GRK5: variants seen among roughly 807,000 people sequenced by gnomAD.
GRK5 encodes g protein-coupled receptor kinase GRK5.
In GRK5, 40 loss-of-function variants were observed where a neutral mutation model predicts 78.4. The ratio of observed to expected loss-of-function variants is 0.51; its 90% CI spans 0.40 to 0.66. The LOEUF is 0.66. Ranked by LOEUF, GRK5 falls within the 30% of genes least tolerant of loss-of-function variation. The pLI, the probability that GRK5 is intolerant of heterozygous loss-of-function variation, is 0.00. For synonymous variants in GRK5, 289 were observed against 296.8 expected (o/e 0.97, Z 0.27); for missense variants, 598 against 759.9 (o/e 0.79, Z 2.50).
In GRK5 at chr10:119,267,671, C is replaced by T. The variant is rs1849522858; in HGVS notation, c.53-58845C>T. 6.6e-6 allele frequency among the ~76,000 whole-genome samples: 1 copy of T among 152,204 alleles called. No homozygotes were observed. ...TCTATAGCAAGGAGGTCCAGCACCGCTCGTGGACCCAAACTGTCCTCCAGG... is the reference window on the plus strand; with the variant it reads ...TCTATAGCAAGGAGGTCCAGCACCGTTCGTGGACCCAAACTGTCCTCCAGG... On this transcript the variant is annotated intron_variant, in intron 1 of 15. Coordinates refer to ENST00000392870, the MANE Select transcript of GRK5 (RefSeq NM_005308.3). This position sits in a 1 kb window ranked among gnomAD's most constrained non-coding sequence, Gnocchi z 4.1.
chr10:119,393,899 T>C (rs1257439869), intron 3 of GRK5, among the ~76,000 whole-genome samples: 2 of 151,414 alleles, frequency 1.3e-5, no homozygotes, highest in African/African-American at 4.9e-5. Flanking sequence ...TGTGTGTGTG[T>C]AGGGGTGCGG....
At chr10:119,395,425 G>A (rs1022483765) in intron 3 of GRK5, among the ~76,000 whole-genome samples, 4 of 152,180 alleles carry the variant, frequency 2.6e-5, no homozygotes, top group Non-Finnish European at 4.4e-5. Context: ...CCTGAGGGCC[G>A]GCTGGGCATC....
intron 2 of GRK5, among the ~76,000 whole-genome samples, chr10:119,377,053 C>T (rs1295885345): frequency 6.6e-6 from 1 of 152,104 alleles, no homozygotes; most frequent in Admixed American, 6.6e-5. Flanking sequence ...CCAGTGTTCT[C>T]CCACCCCTAA....
chr10:119,452,490 C>T lies in GRK5; in HGVS notation c.1405-181C>T. 1.6e-6 allele frequency: 1 copy of T among 625,876 alleles called. No homozygotes were observed. The highest frequency in any genetic ancestry group is 2.7e-6 in the Non-Finnish European group (1 of 372,426). The allele number at this position is 625,876 out of a possible 1,614,324, so 38.8% of individuals were successfully genotyped here. ...AGGAAGCCCAGCCAAGCCACTGGGG[C>T]CGACCCCTCCCCTGGACTCACCTGC... On this transcript the variant is annotated intron_variant, in intron 13 of 15. Coordinates refer to ENST00000392870, the MANE Select transcript of GRK5 (RefSeq NM_005308.3). The surrounding 1 kb of genome is among the most constrained non-coding windows in gnomAD (Gnocchi z 4.4).
chr10:119,282,556 G>A (rs570356882), intron 1 of GRK5, among the ~76,000 whole-genome samples: 6 of 152,366 alleles, frequency 3.9e-5, no homozygotes, highest in African/African-American at 9.6e-5. Context: ...CAGGAGAGGC[G>A]TGTGCTGCGG....
chr10:119,338,119 T>A (rs1850924986), intron 2 of GRK5, among the ~76,000 whole-genome samples: 1 of 152,178 alleles, frequency 6.6e-6, no homozygotes, highest in Non-Finnish European at 1.5e-5. Flanking sequence ...GCTCATGTGG[T>A]CTGGTGGAGT....
intron 13 of GRK5, among the ~76,000 whole-genome samples, chr10:119,449,377 G>A (rs560508603): frequency 6.6e-6 from 1 of 152,340 alleles, no homozygotes; most frequent in Admixed American, 6.5e-5. Context: ...ACAGAAGGTG[G>A]CTTGGGAAGC....
chr10:119,299,943 C>T (rs1000198977), intron 1 of GRK5, among the ~76,000 whole-genome samples: 2 of 152,042 alleles, frequency 1.3e-5, no homozygotes, highest in African/African-American at 4.8e-5. Flanking sequence ...GGTATATCTC[C>T]TAATGCTAGC....
intron 4 of GRK5, among the ~76,000 whole-genome samples, chr10:119,407,270 C>T (rs1328792649): frequency 1.3e-5 from 2 of 152,164 alleles, no homozygotes; most frequent in Non-Finnish European, 2.9e-5. Context: ...ACTGAGGCCC[C>T]GAGAGGCCCA....
In GRK5 at chr10:119,371,542, A is replaced by G. The variant is rs191008504; in HGVS notation, c.149-9273A>G. Among the ~76,000 whole-genome samples the G allele has an allele frequency of 2.0e-4, 30 of 152,264 alleles. No homozygotes were observed. The East Asian group carries it at 5.6e-3, about 28-fold the overall frequency. ...GAATTGACTGGGTTATGAGATTTGA[A>G]CCTCGGGCATGTGCTGGTGGGACAC... On this transcript the variant is annotated intron_variant, in intron 2 of 15. Transcript: ENST00000392870.
intron 8 of GRK5, among the ~76,000 whole-genome samples, chr10:119,434,645 T>C (rs1852885303): frequency 6.6e-6 from 1 of 152,220 alleles, no homozygotes; most frequent in Non-Finnish European, 1.5e-5. Context: ...CTTTGCAGGG[T>C]ACCGTCTCCC....
At chr10:119,242,461 C>T (rs901383100) in intron 1 of GRK5, among the ~76,000 whole-genome samples, 1 of 150,816 alleles carries the variant, frequency 6.6e-6, no homozygotes, top group Non-Finnish European at 1.5e-5. Context: ...TGTCAGTGAG[C>T]TGGGTACCTG....
intron 1 of GRK5, among the ~76,000 whole-genome samples, chr10:119,255,038 C>A (rs1256498960): frequency 2.1e-3 from 234 of 113,604 alleles, no homozygotes; most frequent in African/African-American, 3.0e-3. Flanking sequence ...GACTCAGTCT[C>A]AAAAAAAAAA....
intron 1 of GRK5, among the ~76,000 whole-genome samples, chr10:119,297,328 T>C (rs1398185266): frequency 6.6e-6 from 1 of 152,222 alleles, no homozygotes; most frequent in African/African-American, 2.4e-5. Flanking sequence ...TTGTTCCCAT[T>C]ATCACTATCA....
At chr10:119,438,630 G>A (rs533497107) in intron 9 of GRK5, among the ~76,000 whole-genome samples, 57 of 152,148 alleles carry the variant, frequency 3.7e-4, no homozygotes, top group African/African-American at 1.3e-3. Context: ...GTTCCAGCTC[G>A]TCTTCTTCCG....
chr10:119,317,406 G>C (rs1850508482), intron 1 of GRK5, among the ~76,000 whole-genome samples: 1 of 151,616 alleles, frequency 6.6e-6, no homozygotes, highest in South Asian at 2.1e-4. Context: ...TGTGAGGCTT[G>C]AGGTGACTTC....
chr10:119,328,709 T>A (rs1850719429), intron 2 of GRK5, among the ~76,000 whole-genome samples: 1 of 152,086 alleles, frequency 6.6e-6, no homozygotes. Flanking sequence ...AGGTGAGAGC[T>A]TACAACAGGA....
chr10:119,361,960 CAAAAAAAAAAAAAAAA>C (rs71016566), intron 2 of GRK5, among the ~76,000 whole-genome samples: 3 of 85,654 alleles, frequency 3.5e-5, no homozygotes, highest in African/African-American at 8.8e-5. Flanking sequence ...GACTCTATCT[CAAAAAAAAAAAAAAAA>C]AAAAAAAAAA....
intron 1 of GRK5, among the ~76,000 whole-genome samples, chr10:119,282,500 C>A (rs1849778365): frequency 6.6e-6 from 1 of 152,364 alleles, no homozygotes; most frequent in African/African-American, 2.4e-5. Context: ...TGTGTCTGCA[C>A]TGCTGTGTCC....
Sources: gnomAD v4.1 joint callset for allele counts (sites outside exome capture counted in the v4.1 genomes callset) on GRCh38, gnomAD v4.1.1 for gene constraint, Gnocchi (gnomAD v3.1) non-coding constraint, MANE v1.5 for transcripts, NCBI Gene and HGNC (gene_info 2026-07-23, HGNC 2026-07-21) for gene names.